Variants in NPC1 observed in about 807,000 individuals in gnomAD.
The protein encoded by NPC1 is NPC intracellular cholesterol transporter 1.
In NPC1, 85 loss-of-function variants were observed where a neutral mutation model predicts 140.4. The ratio of observed to expected loss-of-function variants is 0.61; its 90% CI spans 0.51 to 0.72. The LOEUF is 0.72. Ranked by LOEUF, NPC1 falls within the 30% of genes least tolerant of loss-of-function variation. The pLI is 0.00. For synonymous variants in NPC1, 656 were observed against 624.8 expected, an observed-to-expected ratio of 1.05 and a Z score of -0.74; for missense variants, 1,504 against 1,623.8, an observed-to-expected ratio of 0.93 and a Z score of 1.27.
chr18:23,558,902 G>A (rs1000804847), intron 6 of NPC1, among the ~76,000 whole-genome samples: 6 of 151,824 alleles, frequency 4.0e-5, no homozygotes, highest in Admixed American at 1.3e-4. Context: ...TCCCCGGTGT[G>A]TGACGTTCCC....
chr18:23,544,938 A>ACAC lies in NPC1; in HGVS notation c.1947+19_1947+21dup, dbSNP rs1555634586. On this transcript the variant is annotated intron_variant, in intron 12 of 24. Transcript: ENST00000269228. ...GCACTGCTGTTAACCTCTAGAACAT[A>ACAC]CACCACCCCCCCCCGGCTTACCAGA... The ACAC allele has an allele frequency of 9.9e-5, 123 of 1,239,870 alleles. 1 individual carries two copies. The East Asian group carries it at 2.1e-3, about 22-fold the overall frequency. 76.8% of individuals were successfully genotyped at this position (1,239,870 alleles called of 1,614,324 possible).
At chr18:23,551,038 G>A (rs2058864980) in intron 10 of NPC1, among the ~76,000 whole-genome samples, 1 of 152,212 alleles carries the variant, frequency 6.6e-6, no homozygotes, top group Admixed American at 6.5e-5. Flanking sequence ...AACCTGTTGA[G>A]CCTGTAATTT....
intron 1 of NPC1, chr18:23,524,076 C>G: frequency 6.4e-7 from 1 of 1,563,842 alleles, no homozygotes; most frequent in Non-Finnish European, 8.8e-7. Flanking sequence ...TAAGTACCAG[C>G]ATTTGCAGCA....
At chr18:23,520,196 C>T (rs758912837), downstream of NPC1, 2 of 1,610,712 alleles carry the variant, frequency 1.2e-6, no homozygotes, top group Admixed American at 3.3e-5. Flanking sequence ...TCTTTTTCCC[C>T]CCCAGACATC....
At chr18:23,541,551 A>T (rs1259077724) in intron 14 of NPC1, 118 bp from the exon 15 acceptor site, 1 of 1,328,794 alleles carries the variant, frequency 7.5e-7, no homozygotes, top group East Asian at 2.4e-5. Context: ...ACGCATGAGA[A>T]GGCATGCTGC....
intron 3 of NPC1, among the ~76,000 whole-genome samples, chr18:23,507,472 A>G (rs1023598603): frequency 3.3e-5 from 5 of 152,314 alleles, no homozygotes; most frequent in Admixed American, 3.3e-4. Flanking sequence ...ATTTTTGGCT[A>G]CTTTGTGAAT....
rs949110717 is a variant in NPC1, at chr18:23,576,236, A to G, written c.58-2662T>C. Among the ~76,000 whole-genome samples, 11 of 151,730 alleles carry G rather than the reference A, an allele frequency of 7.2e-5. No individual in the cohort carries two copies. The East Asian group carries it at 2.1e-3, about 29-fold the overall frequency. On this transcript the variant is annotated intron_variant, in intron 1 of 24. Transcript: ENST00000269228. ...CTAAACTGTCTCAAAAAACAAACAA[A>G]AAAACAAAACAAACAAAAACAACAA...
At chr18:23,510,671 C>T (rs1417033611) in intron 3 of NPC1, among the ~76,000 whole-genome samples, 1 of 151,834 alleles carries the variant, frequency 6.6e-6, no homozygotes, top group African/African-American at 2.4e-5. Context: ...GGGCAAAGGA[C>T]ATGAGCAGAC....
intron 6 of NPC1, among the ~76,000 whole-genome samples, chr18:23,559,571 T>C (rs796841538): frequency 9.4e-5 from 13 of 137,770 alleles, no homozygotes; most frequent in African/African-American, 3.6e-4. Context: ...ACTCCTGACC[T>C]CATGATTCTC....
intron 10 of NPC1, 59 bp from the exon 11 acceptor site, chr18:23,548,167 C>G: frequency 2.1e-6 from 2 of 961,608 alleles, no homozygotes; most frequent in Non-Finnish European, 3.4e-6. Flanking sequence ...AAATTAGACA[C>G]ATACCAGGGG....
At chr18:23,584,669 A>G in intron 1 of NPC1, among the ~76,000 whole-genome samples, 1 of 152,148 alleles carries the variant, frequency 6.6e-6, no homozygotes, top group South Asian at 2.1e-4. Context: ...GACCAGCCTG[A>G]CCAACACGGT....
At chr18:23,524,356 C>T (rs377544931), downstream of NPC1, 63 of 1,546,116 alleles carry the variant, frequency 4.1e-5, no homozygotes, top group African/African-American at 6.4e-4. Flanking sequence ...TGGGCAGGGG[C>T]GAGTGCTAGC....
rs765193927 is a variant in NPC1 at position 23,544,979 on chromosome 18, T to C, written c.1928A>G (p.Lys643Arg). 6.4e-7 allele frequency: 1 copy of C among 1,553,950 alleles called. No individual in the cohort carries two copies. ...GCTTACCAGAAGCCTGCGACAGCTTTTCATGTGCCCCAAGGCTAGGGAAAT... is the reference window on the plus strand; with the variant it reads ...GCTTACCAGAAGCCTGCGACAGCTTCTCATGTGCCCCAAGGCTAGGGAAAT... ...LYISLALGHM[K>R]SCRRLLVDSK... is the part of the protein sequence containing the mutation. The change falls in exon 12 of 25, where the codon AAA (lysine) becomes AGA (arginine). Residue 643 changes from lysine to arginine, a missense_variant. Lys to Arg is a conservative substitution (Grantham distance 26, BLOSUM62 2). Transcript: ENST00000269228.
chr18:23,562,969 CAT>C (rs1358690100), intron 4 of NPC1, among the ~76,000 whole-genome samples: 1 of 152,090 alleles, frequency 6.6e-6, no homozygotes, highest in Non-Finnish European at 1.5e-5. Flanking sequence ...CAACTATCAC[CAT>C]AGTCAATTTT....
chr18:23,519,242 G>T, downstream of NPC1: 19 of 1,405,980 alleles, frequency 1.4e-5, no homozygotes, highest in Non-Finnish European at 1.9e-5. Flanking sequence ...TGGTGGCTGG[G>T]CACGGTGGAT....
intron 3 of NPC1, chr18:23,506,901 G>A: frequency 3.7e-6 from 4 of 1,078,430 alleles, no homozygotes; most frequent in Non-Finnish European, 5.6e-6. Context: ...TGTGTCTTTT[G>A]CCTTTTCAAT....
At chr18:23,519,912 C>T (rs1379617774), downstream of NPC1, among the ~76,000 whole-genome samples, 3 of 152,112 alleles carry the variant, frequency 2.0e-5, no homozygotes, top group African/African-American at 7.2e-5. Context: ...CTCTGTGACA[C>T]GTGAGGATGT....
At chr18:23,544,272 G>A (rs568098928) in intron 13 of NPC1, 72 bp downstream of exon 13, 43 of 1,432,742 alleles carry the variant, frequency 3.0e-5, no homozygotes, top group East Asian at 2.3e-4. Flanking sequence ...TCACGAATGC[G>A]GAGCCCAGGA....
rs1263695001 is a variant in NPC1 at position 23,538,499 on chromosome 18, A to G, written c.3041+43T>C. The stretch of plus-strand genomic sequence containing the variant: ...CTCTCCTAGTTTTCTACTGCAAATT[A>G]AAGTTGCAGTGGATGCTTATCTGCA... On this transcript the variant is annotated intron_variant, in intron 20 of 24. Coordinates refer to ENST00000269228, the MANE Select transcript of NPC1 (RefSeq NM_000271.5). 9 of 1,610,710 alleles carry G rather than the reference A, an allele frequency of 5.6e-6. No homozygotes were observed. The South Asian group carries it at 7.7e-5, about 14-fold the overall frequency.
Sources: gnomAD v4.1 joint callset for allele counts (sites outside exome capture counted in the v4.1 genomes callset) on GRCh38, gnomAD v4.1.1 for gene constraint, MANE v1.5 for transcripts, NCBI Gene and HGNC (gene_info 2026-07-23, HGNC 2026-07-21) for gene names.